KCNJ3: variants seen among roughly 807,000 people sequenced by gnomAD.
KCNJ3 encodes the protein potassium inwardly rectifying channel subfamily J member 3.
In KCNJ3, 4 loss-of-function variants were observed where a neutral mutation model predicts 39.2. The observed-to-expected ratio is 0.10, with a 90% CI of 0.05 to 0.23. The LOEUF is 0.23. Among genes scored for constraint, KCNJ3 ranks in the 10% least tolerant of loss-of-function variants. The pLI, the probability that KCNJ3 is intolerant of heterozygous loss-of-function variation, is 1.00. For missense variants in KCNJ3, 276 were observed against 634.9 expected (o/e 0.43, Z 6.08); for synonymous variants, 230 against 237.4 (o/e 0.97, Z 0.29).
intron 2 of KCNJ3, among the ~76,000 whole-genome samples, chr2:154,713,044 C>T (rs1474765480): frequency 3.3e-5 from 5 of 151,642 alleles, no homozygotes; most frequent in Non-Finnish European, 7.4e-5. Flanking sequence ...GCAGAGTGAG[C>T]CATGTGGAGA....
chr2:154,845,581 A>G (rs1687650348), intron 2 of KCNJ3, among the ~76,000 whole-genome samples: 1 of 152,232 alleles, frequency 6.6e-6, no homozygotes, highest in Admixed American at 6.5e-5. Flanking sequence ...TCTATAATTA[A>G]CAATGCTTTA....
At chr2:154,723,360 G>A (rs1685296247) in intron 2 of KCNJ3, among the ~76,000 whole-genome samples, 1 of 152,150 alleles carries the variant, frequency 6.6e-6, no homozygotes, top group African/African-American at 2.4e-5. Flanking sequence ...ACTGCAGGGT[G>A]AGGTATACGA....
At chr2:154,781,522 C>T (rs190023194) in intron 2 of KCNJ3, among the ~76,000 whole-genome samples, 93 of 152,188 alleles carry the variant, frequency 6.1e-4, no homozygotes, top group African/African-American at 2.0e-3. Context: ...CAGCACACAA[C>T]GAAACAAAGT....
At chr2:154,752,992 T>C (rs1205421024) in intron 2 of KCNJ3, among the ~76,000 whole-genome samples, 1 of 152,072 alleles carries the variant, frequency 6.6e-6, no homozygotes, top group Admixed American at 6.6e-5. Flanking sequence ...TTGATCAATC[T>C]TTAGGTATCA....
Position 154,699,536 on chromosome 2 carries a change from A to C in KCNJ3, c.702+59A>C. 2 of 1,497,392 alleles carry C rather than the reference A, an allele frequency of 1.3e-6. No homozygotes were observed. The highest frequency in any genetic ancestry group is 1.8e-6 in the Non-Finnish European group (2 of 1,125,454). 92.8% of individuals were successfully genotyped at this position (1,497,392 alleles called of 1,614,324 possible). A position where few individuals can be genotyped will look rare whatever the true frequency, so the allele number is the denominator to read the frequency against. ...CCTGCGTCCCCCAAACCCGCGGAGT[A>C]ACTCGTCTGAGAACCAGCCCGGGCC... On this transcript the variant is annotated intron_variant, in intron 1 of 2. Transcript: ENST00000295101. This position sits in a 1 kb window ranked among gnomAD's most constrained non-coding sequence, Gnocchi z 6.4.
In KCNJ3 at chr2:154,804,566, A is replaced by T. The variant is rs528721133; in HGVS notation, c.920-50161A>T. Among the ~76,000 whole-genome samples the T allele has an allele frequency of 3.9e-5, 6 of 152,256 alleles. No individual in the cohort carries two copies. The East Asian group carries it at 1.2e-3, about 29-fold the overall frequency. ...GTATTCCTATTGAATTTTCTGCTGA[A>T]TTTCTCATCAGGTAATAAGAGCTCT... On this transcript the variant is annotated intron_variant, in intron 2 of 2. Transcript: ENST00000295101.
chr2:154,767,523 T>C (rs1686157699), intron 2 of KCNJ3, among the ~76,000 whole-genome samples: 1 of 152,206 alleles, frequency 6.6e-6, no homozygotes, highest in East Asian at 1.9e-4. Context: ...ACTCATCCTT[T>C]TTTTATGGCT....
At chr2:154,809,198 C>T (rs907478464) in intron 2 of KCNJ3, among the ~76,000 whole-genome samples, 5 of 152,090 alleles carry the variant, frequency 3.3e-5, no homozygotes, top group African/African-American at 1.2e-4. Context: ...CACCTTACTG[C>T]ATAGCAGAGG....
intron 2 of KCNJ3, among the ~76,000 whole-genome samples, chr2:154,739,199 A>G (rs1685600249): frequency 6.6e-6 from 1 of 152,044 alleles, no homozygotes; most frequent in Non-Finnish European, 1.5e-5. Flanking sequence ...CTATTATACT[A>G]TTTCCTATGC....
rs1418674335 is a variant in KCNJ3 at position 154,843,535 on chromosome 2, C to CCAA, written c.920-11190_920-11188dup. ...TGTATAATATCCTGAAGAATGTTTT[C>CCAA]CAACTTGGTTCCATTCTCCCCATCA... On this transcript the variant is annotated intron_variant, in intron 2 of 2. Coordinates refer to ENST00000295101, the MANE Select transcript of KCNJ3 (RefSeq NM_002239.4). Among the ~76,000 whole-genome samples, 8 of 152,278 alleles carry CCAA rather than the reference C, an allele frequency of 5.3e-5. No homozygotes were observed. In the South Asian group the frequency reaches 1.7e-3, roughly 32 times the overall value.
At chr2:154,742,071 A>G (rs1685663093) in intron 2 of KCNJ3, among the ~76,000 whole-genome samples, 1 of 151,796 alleles carries the variant, frequency 6.6e-6, no homozygotes, top group Non-Finnish European at 1.5e-5. Flanking sequence ...GGAAACCACC[A>G]TTTGACTTTC....
intron 2 of KCNJ3, among the ~76,000 whole-genome samples, chr2:154,711,785 T>A (rs1574430598): frequency 6.6e-6 from 1 of 152,254 alleles, no homozygotes; most frequent in East Asian, 1.9e-4. Flanking sequence ...TTTCAGAGGA[T>A]CATGGTTAGT....
chr2:154,850,616 A>G (rs1687743949), intron 2 of KCNJ3, among the ~76,000 whole-genome samples: 1 of 152,194 alleles, frequency 6.6e-6, no homozygotes, highest in Admixed American at 6.5e-5. Flanking sequence ...ATATCCTGAG[A>G]TGAAACCAGA....
intron 2 of KCNJ3, among the ~76,000 whole-genome samples, chr2:154,714,850 G>A (rs563631143): frequency 6.6e-6 from 1 of 152,284 alleles, no homozygotes; most frequent in Non-Finnish European, 1.5e-5. Flanking sequence ...GGATACTTAT[G>A]TAATGTGGGA....
In KCNJ3 at chr2:154,836,221, A is replaced by C. The variant is rs1201333510; in HGVS notation, c.920-18506A>C. Among the ~76,000 whole-genome samples, 3 of 46,140 alleles carry C rather than the reference A, an allele frequency of 6.5e-5. No homozygotes were observed. In the East Asian group the frequency reaches 0.014, roughly 222 times the overall value. The allele number at this position is 46,140 out of a possible 152,430, so 30.3% of individuals were successfully genotyped here. On this transcript the variant is annotated intron_variant, in intron 2 of 2. Transcript: ENST00000295101. Reference sequence around the variant, plus strand: ...CAAGACTGTCTCAAAAAAAAAAACAAAAAAAAACAAAAAAAAAAACAAAAA... The same window carrying C: ...CAAGACTGTCTCAAAAAAAAAAACACAAAAAAACAAAAAAAAAAACAAAAA...
Position 154,828,954 on chromosome 2 carries a change from T to G in KCNJ3, c.920-25773T>G, listed in dbSNP as rs183195840. 3.5e-3 allele frequency among the ~76,000 whole-genome samples: 528 copies of G among 152,298 alleles called. 2 individuals are homozygous for G. Among genetic ancestry groups the G allele is most frequent in the Middle Eastern group, 6.8e-3 (2 of 294 alleles). ...CTTATGGTATATAACTGATTTTATA[T>G]AATGTTTACATCTGAAGTTAAAAAC... On this transcript the variant is annotated intron_variant, in intron 2 of 2. Transcript: ENST00000295101.
At chr2:154,819,494 C>A (rs905908322) in intron 2 of KCNJ3, among the ~76,000 whole-genome samples, 1 of 151,988 alleles carries the variant, frequency 6.6e-6, no homozygotes, top group African/African-American at 2.4e-5. Context: ...ATGATATATT[C>A]TTCTCTAAAC....
intron 2 of KCNJ3, 135 bp from the exon 3 acceptor site, chr2:154,854,592 C>G: frequency 1.7e-6 from 1 of 593,188 alleles, no homozygotes; most frequent in South Asian, 2.6e-5. Context: ...AACTTTTAAT[C>G]TATTCTATTA....
chr2:154,700,184 T>G lies in KCNJ3; in HGVS notation c.702+707T>G, dbSNP rs1312219093. On this transcript the variant is annotated intron_variant, in intron 1 of 2. Transcript: ENST00000295101. ...CTGTAGAGCCTCTTGTTAATTTTAT[T>G]CTTAATTGCCTGTTTCTGTGAAGCC... 2.0e-5 allele frequency among the ~76,000 whole-genome samples: 3 copies of G among 152,366 alleles called. No individual in the cohort carries two copies. The East Asian group carries it at 5.8e-4, about 29-fold the overall frequency.
Sources: allele counts gnomAD v4.1 joint callset (sites outside exome capture counted in the v4.1 genomes callset), GRCh38; gene constraint gnomAD v4.1.1; non-coding constraint Gnocchi (gnomAD v3.1); transcripts MANE v1.5; gene names NCBI Gene and HGNC (gene_info 2026-07-23, HGNC 2026-07-21).